ZZEF1: variants seen among roughly 807,000 people sequenced by gnomAD.
ZZEF1 encodes zinc finger ZZ-type and EF-hand domain-containing protein 1.
In ZZEF1, 157 loss-of-function variants were observed where a neutral mutation model predicts 342.8. The observed-to-expected ratio is 0.46, with a 90% CI of 0.40 to 0.52. ZZEF1 has a LOEUF of 0.52. Among genes scored for constraint, ZZEF1 ranks in the 20% least tolerant of loss-of-function variants. The probability of loss-of-function intolerance (pLI) is 0.00; values close to 1 mark genes in which losing one functional copy is unlikely to be tolerated. For synonymous variants in ZZEF1, 1,505 were observed against 1,429.1 expected, an observed-to-expected ratio of 1.05 and a Z score of -1.20; for missense variants, 3,480 against 3,725.6, an observed-to-expected ratio of 0.93 and a Z score of 1.72.
intron 52 of ZZEF1, among the ~76,000 whole-genome samples, chr17:4,011,109 A>G (rs2055941343): frequency 1.3e-5 from 2 of 151,978 alleles, no homozygotes; most frequent in African/African-American, 2.4e-5. Flanking sequence ...TTAAAGAAAA[A>G]AAAAAAAGAT....
intron 16 of ZZEF1, among the ~76,000 whole-genome samples, chr17:4,085,234 G>C (rs1247892271): frequency 6.6e-6 from 1 of 152,114 alleles, no homozygotes; most frequent in Non-Finnish European, 1.5e-5. Context: ...GGAGGAAAGG[G>C]GGGTGAGGTA....
chr17:4,071,846 T>C (rs779635890), intron 25 of ZZEF1, among the ~76,000 whole-genome samples: 1 of 151,626 alleles, frequency 6.6e-6, no homozygotes, highest in Non-Finnish European at 1.5e-5. Flanking sequence ...GAGACTGATA[T>C]TAGGAATTAG....
chr17:4,133,878 AT>A (rs1567872034), intron 1 of ZZEF1, among the ~76,000 whole-genome samples: 1 of 151,440 alleles, frequency 6.6e-6, no homozygotes, highest in Non-Finnish European at 1.5e-5. Context: ...CTAGTTTTTT[AT>A]TTTTTTGTAG....
chr17:4,007,509 G>T (rs372389517), intron 54 of ZZEF1, among the ~76,000 whole-genome samples: 1 of 150,244 alleles, frequency 6.7e-6, no homozygotes, highest in Non-Finnish European at 1.5e-5. Flanking sequence ...AACAGGCTGT[G>T]GGGGGGGTCA....
At chr17:4,108,227 G>C (rs574492051) in intron 6 of ZZEF1, among the ~76,000 whole-genome samples, 1 of 152,138 alleles carries the variant, frequency 6.6e-6, no homozygotes, top group Admixed American at 6.6e-5. Flanking sequence ...ATTAGAATGA[G>C]GACTATCTGA....
intron 37 of ZZEF1, among the ~76,000 whole-genome samples, 153 bp from the exon 38 acceptor site, chr17:4,044,527 T>G (rs932310840): frequency 6.6e-6 from 1 of 152,160 alleles, no homozygotes; most frequent in Non-Finnish European, 1.5e-5. Flanking sequence ...TTCTTTTTTG[T>G]GTGTTTTTTT....
rs776618033 is a variant in ZZEF1, at chr17:4,095,889, T to C, written c.1855A>G (p.Arg619Gly). Residue 619 changes from arginine to glycine, a missense_variant, in exon 11 of 55, where the codon AGG (arginine) becomes GGG (glycine). This residue lies in a region of ZZEF1 where 1,528 missense variants were observed against 1,624.1 expected (regional missense o/e 0.94). Coordinates refer to ENST00000381638, the MANE Select transcript of ZZEF1 (RefSeq NM_015113.4). ...TTCCATTTGTCATATTTTTCAAACC[T>C]TTTGAAGTGTTCTTCCGCACAAAAT... ...DKFCAEEHFK[R>G]FEKYDKWKLQ... 1 of 1,613,860 alleles carries C rather than the reference T, an allele frequency of 6.2e-7. No homozygotes were observed. Among genetic ancestry groups the C allele is most frequent in the Non-Finnish European group, 8.5e-7 (1 of 1,179,832 alleles).
In ZZEF1 at chr17:4,142,958, T is replaced by C. The variant is rs2058894549; in HGVS notation, c.-63A>G. The C allele has an allele frequency of 7.7e-7, 1 of 1,290,402 alleles. No individual in the cohort carries two copies. Among genetic ancestry groups the C allele is most frequent in the African/African-American group, 1.5e-5 (1 of 64,682 alleles). The allele number at this position is 1,290,402 out of a possible 1,614,324, so 79.9% of individuals were successfully genotyped here. ...GCCGCCGCCTCCCCGCCTCGACCTG[T>C]CAACCTCCGACAGCAGCTGGCGGGC... On this transcript the variant is annotated 5_prime_UTR_variant, in exon 1 of 55. Coordinates refer to ENST00000381638, the MANE Select transcript of ZZEF1 (RefSeq NM_015113.4).
In ZZEF1 at chr17:4,074,338, T is replaced by C. The variant is rs1227085841; in HGVS notation, c.3497A>G (p.Lys1166Arg). 6.2e-7 allele frequency: 1 copy of C among 1,614,054 alleles called. No individual in the cohort carries two copies. Among genetic ancestry groups the C allele is most frequent in the Non-Finnish European group, 8.5e-7 (1 of 1,180,042 alleles). The change falls in exon 24 of 55, where the codon AAG (lysine) becomes AGG (arginine). Residue 1166 changes from lysine to arginine, a missense_variant. By Grantham distance (26) the Lys-to-Arg change is conservative (BLOSUM62 2). This residue lies in a region of ZZEF1 where 1,528 missense variants were observed against 1,624.1 expected (regional missense o/e 0.94). Coordinates refer to ENST00000381638, the MANE Select transcript of ZZEF1 (RefSeq NM_015113.4). Reference protein sequence around the residue: ...TDKWPKKVTFKAGPRLQFLFH... With the variant: ...TDKWPKKVTFRAGPRLQFLFH... ...GAGGAACTGCAACCGAGGACCGGCCTTGAAGGTCACTTTCTAGAGACAAAC... is the reference window on the plus strand; with the variant it reads ...GAGGAACTGCAACCGAGGACCGGCCCTGAAGGTCACTTTCTAGAGACAAAC...
chr17:4,142,787 G>A lies in ZZEF1; in HGVS notation c.109C>T (p.Pro37Ser), dbSNP rs2058888477. ...WAAVSGTTPG[P>S]GVAAPALPPA... ...GGTAGCGCTGGAGCCGCGACGCCCG[G>A]GCCGGGGGTCGTGCCCGAGACCGCG... Residue 37 changes from proline to serine, a missense_variant, in exon 1 of 55, where the codon CCG becomes TCG. By Grantham distance (74) the Pro-to-Ser change is moderately conservative. Coordinates refer to ENST00000381638, the MANE Select transcript of ZZEF1 (RefSeq NM_015113.4). The A allele has an allele frequency of 2.8e-6, 4 of 1,417,364 alleles. No homozygotes were observed. The highest frequency in any genetic ancestry group is 3.1e-5 in the South Asian group (2 of 64,994). 87.8% of individuals were successfully genotyped at this position (1,417,364 alleles called of 1,614,324 possible).
rs1375246992 is a variant in ZZEF1, at chr17:4,016,776, T to C, written c.8002-310A>G. On this transcript the variant is annotated intron_variant, in intron 48 of 54. Transcript: ENST00000381638. The surrounding 1 kb of genome is among the most constrained non-coding windows in gnomAD (Gnocchi z 4.4). ...CCCCAGCCAAGCAGGTGGATTGGCC[T>C]ATGGATAAATAATGACCACACAATG... The C allele has an allele frequency of 3.4e-6, 1 of 290,676 alleles. No homozygotes were observed. Among genetic ancestry groups the C allele is most frequent in the Non-Finnish European group, 6.4e-6 (1 of 155,420 alleles). 18.0% of individuals were successfully genotyped at this position (290,676 alleles called of 1,614,324 possible).
At chr17:4,041,772 G>C (rs1182295757) in intron 39 of ZZEF1, among the ~76,000 whole-genome samples, 4 of 151,906 alleles carry the variant, frequency 2.6e-5, no homozygotes, top group African/African-American at 9.7e-5. Context: ...AACTGTTCAG[G>C]GTCTTTAAAA....
chr17:4,020,309 CA>C (rs2056236147), intron 45 of ZZEF1, among the ~76,000 whole-genome samples: 2 of 152,324 alleles, frequency 1.3e-5, no homozygotes, highest in East Asian at 1.9e-4. Context: ...GTATCAATGA[CA>C]TCATCATTTT....
chr17:4,079,782 C>T (rs1052789057), intron 18 of ZZEF1, among the ~76,000 whole-genome samples: 5 of 152,192 alleles, frequency 3.3e-5, no homozygotes, highest in Non-Finnish European at 7.3e-5. Context: ...TCATGCCAGG[C>T]AGCTGGGAAT....
intron 39 of ZZEF1, among the ~76,000 whole-genome samples, chr17:4,035,279 T>G (rs2056635986): frequency 2.0e-5 from 3 of 152,164 alleles, no homozygotes; most frequent in Non-Finnish European, 4.4e-5. Flanking sequence ...ATCCTCAGTG[T>G]GACTCAAGAG....
chr17:4,022,999 T>C (rs1238218047), intron 43 of ZZEF1, among the ~76,000 whole-genome samples, 171 bp from the exon 44 acceptor site: 1 of 152,206 alleles, frequency 6.6e-6, no homozygotes, highest in Non-Finnish European at 1.5e-5. Context: ...CCAAAAGCTG[T>C]CTGGGGCTCT....
chr17:4,044,021 C>A (rs2056856926), intron 38 of ZZEF1, among the ~76,000 whole-genome samples: 1 of 152,182 alleles, frequency 6.6e-6, no homozygotes, highest in African/African-American at 2.4e-5. Context: ...TTAGTAAATA[C>A]AGGAAATAAA....
chr17:4,058,111 T>C lies in ZZEF1; in HGVS notation c.5048A>G (p.His1683Arg), dbSNP rs1334555435. ...ALSCVQTALL[H>R]LLDMGWEPND... ...GGGTTCCCAGCCCATATCCAAAAGA[T>C]GAAGCAGGGCTGTCTGAACACAGGA... Residue 1683 changes from histidine to arginine, a missense_variant, in exon 32 of 55, where the codon CAT becomes CGT. Transcript: ENST00000381638. 2 of 1,613,868 alleles carry C rather than the reference T, an allele frequency of 1.2e-6. No homozygotes were observed. The highest frequency in any genetic ancestry group is 4.5e-5 in the East Asian group (2 of 44,900).
rs577330388 is a variant in ZZEF1 at position 4,044,386 on chromosome 17, A to T, written c.6016-12T>A. ...ACAGCTCTCTTTCCCTAAAAAAACA[A>T]AAGTGTAAAAGAATTAAGGTTTCTT... On this transcript the variant is annotated splice_polypyrimidine_tract_variant and intron_variant, in intron 37 of 54. Coordinates refer to ENST00000381638, the MANE Select transcript of ZZEF1 (RefSeq NM_015113.4). 3 of 1,599,928 alleles carry T rather than the reference A, an allele frequency of 1.9e-6. No individual in the cohort carries two copies. Among genetic ancestry groups the T allele is most frequent in the Middle Eastern group, 1.7e-4 (1 of 5,980 alleles).
Sources: allele counts gnomAD v4.1 joint callset (sites outside exome capture counted in the v4.1 genomes callset), GRCh38; gene constraint gnomAD v4.1.1; regional missense constraint gnomAD v4.1.1; non-coding constraint Gnocchi (gnomAD v3.1); transcripts MANE v1.5; gene names NCBI Gene and HGNC (gene_info 2026-07-23, HGNC 2026-07-21).